The following KAZN variants were observed in gnomAD, a reference collection of about 807,000 sequenced individuals.
KAZN encodes the protein kazrin.
Under a neutral mutation model 87.4 loss-of-function variants are expected in KAZN, and 40 were observed. The ratio of observed to expected loss-of-function variants is 0.46; its 90% CI spans 0.36 to 0.60. The LOEUF (loss-of-function observed/expected upper bound fraction) is 0.60, where lower values mean the gene tolerates loss of function less well. KAZN is among the 20% of genes least tolerant of loss of function. KAZN has a pLI of 0.00. For missense variants in KAZN, 898 were observed against 1,073.9 expected (o/e 0.84, Z 2.29); for synonymous variants, 466 against 458.3 (o/e 1.02, Z -0.22).
intron 2 of KAZN, among the ~76,000 whole-genome samples, chr1:14,439,289 G>A (rs1200991252): frequency 6.6e-6 from 1 of 151,974 alleles, no homozygotes; most frequent in Non-Finnish European, 1.5e-5. Context: ...AAGTTCTGTT[G>A]GCTCTGCATT....
At chr1:14,622,877 T>A (rs570571232) in intron 1 of KAZN, among the ~76,000 whole-genome samples, 1 of 152,254 alleles carries the variant, frequency 6.6e-6, no homozygotes, top group South Asian at 2.1e-4. Flanking sequence ...TAAATACCTG[T>A]ATGACCTTAG....
intron 1 of KAZN, among the ~76,000 whole-genome samples, chr1:13,997,282 A>G (rs1302142196): frequency 2.0e-5 from 3 of 152,198 alleles, no homozygotes; most frequent in African/African-American, 7.2e-5. Flanking sequence ...CAATGAAAAA[A>G]TGCTGAAAAC....
At chr1:14,480,305 CAACA>C (rs1262847431) in intron 2 of KAZN, among the ~76,000 whole-genome samples, 1 of 152,162 alleles carries the variant, frequency 6.6e-6, no homozygotes, top group Non-Finnish European at 1.5e-5. Context: ...CAGCCAACAA[CAACA>C]AACATTTACT....
At chr1:14,669,608 A>G (rs1639792861) in intron 1 of KAZN, among the ~76,000 whole-genome samples, 1 of 152,150 alleles carries the variant, frequency 6.6e-6, no homozygotes, top group South Asian at 2.1e-4. Context: ...TTAGCCAGGT[A>G]CAGTGGTGTG....
chr1:14,798,380 G>A (rs894594947), intron 1 of KAZN, among the ~76,000 whole-genome samples: 3 of 150,946 alleles, frequency 2.0e-5, no homozygotes, highest in South Asian at 4.2e-4. Context: ...AATAGCCCTC[G>A]GAGGTGATCT....
chr1:14,192,826 A>G (rs1398010626), intron 2 of KAZN, among the ~76,000 whole-genome samples: 2 of 152,202 alleles, frequency 1.3e-5, no homozygotes, highest in South Asian at 2.1e-4. Context: ...AAGAATAGCT[A>G]TGTTGAAGTC....
At chr1:14,442,325 A>T (rs988923707) in intron 2 of KAZN, among the ~76,000 whole-genome samples, 2 of 152,250 alleles carry the variant, frequency 1.3e-5, no homozygotes, top group Admixed American at 1.3e-4. Flanking sequence ...TTGGACACAA[A>T]TCACTACCCA....
chr1:13,946,458 CAA>C (rs1641150050), intron 1 of KAZN, among the ~76,000 whole-genome samples: 1 of 152,138 alleles, frequency 6.6e-6, no homozygotes, highest in Non-Finnish European at 1.5e-5. Flanking sequence ...TAAGAAGAAT[CAA>C]GAGCACAGAA....
rs572706603 is a variant in KAZN, at chr1:14,461,776, T to C, written c.250-137207T>C. On this transcript the variant is annotated intron_variant, in intron 2 of 16. Coordinates refer to the KAZN transcript ENST00000636203. Reference sequence around the variant, plus strand: ...TGCCCTAGAAGTCACCATCCAGGTATATCCAAAATTGTGTATACCCTGCAT... The same window carrying C: ...TGCCCTAGAAGTCACCATCCAGGTACATCCAAAATTGTGTATACCCTGCAT... Among the ~76,000 whole-genome samples, 8 of 152,198 alleles carry C rather than the reference T, an allele frequency of 5.3e-5. No homozygotes were observed. The South Asian group carries it at 1.7e-3, about 32-fold the overall frequency.
rs144410589 is a variant in KAZN, at chr1:14,347,844, C to T, written c.249+167252C>T. ...TTATCTGTGTCTCCTGAAGTTTCTACAATGGGCATATACTACTATTTTTTT... is the reference window on the plus strand; with the variant it reads ...TTATCTGTGTCTCCTGAAGTTTCTATAATGGGCATATACTACTATTTTTTT... On this transcript the variant is annotated intron_variant, in intron 2 of 16. Coordinates refer to the KAZN transcript ENST00000636203. Among the ~76,000 whole-genome samples the T allele has an allele frequency of 1.2e-3, 185 of 151,898 alleles. 1 individual carries two copies. Among genetic ancestry groups the T allele is most frequent in the African/African-American group, 4.3e-3 (178 of 41,500 alleles).
rs1640691976 is a variant in KAZN at position 15,094,126 on chromosome 1, C to G, written c.1223-54C>G. 6.5e-7 allele frequency: 1 copy of G among 1,544,792 alleles called. No individual in the cohort carries two copies. Among genetic ancestry groups the G allele is most frequent in the Non-Finnish European group, 8.8e-7 (1 of 1,130,308 alleles). On this transcript the variant is annotated intron_variant, in intron 8 of 14. Transcript: ENST00000376030. This position sits in a 1 kb window ranked among gnomAD's most constrained non-coding sequence, Gnocchi z 4.5. ...CCTCCCGGGGGTATGGCCTGCCCAG[C>G]CCCTGCCCCCAGCAGCCTCGTCCCC...
chr1:15,028,479 T>C (rs1045103612), intron 2 of KAZN, among the ~76,000 whole-genome samples: 2 of 152,212 alleles, frequency 1.3e-5, no homozygotes, highest in African/African-American at 4.8e-5. Context: ...GAACAGGTTT[T>C]GAAGGAGAGA....
At chr1:14,400,859 GT>G (rs987063571) in intron 2 of KAZN, among the ~76,000 whole-genome samples, 2 of 152,180 alleles carry the variant, frequency 1.3e-5, no homozygotes, top group African/African-American at 4.8e-5. Context: ...AATAAAAGTA[GT>G]TTTTTCATGA....
chr1:14,281,919 A>G (rs1232379292), intron 2 of KAZN, among the ~76,000 whole-genome samples: 1 of 152,118 alleles, frequency 6.6e-6, no homozygotes, highest in African/African-American at 2.4e-5. Context: ...ACTTTTGGGT[A>G]AAGTCCTGGG....
chr1:14,495,696 G>A (rs187988677), intron 2 of KAZN, among the ~76,000 whole-genome samples: 11 of 152,210 alleles, frequency 7.2e-5, no homozygotes, highest in Admixed American at 6.5e-4. Context: ...AAGTAGCCTC[G>A]GGAAATCAGG....
At chr1:14,040,518 T>G (rs1641781630) in intron 1 of KAZN, among the ~76,000 whole-genome samples, 1 of 152,124 alleles carries the variant, frequency 6.6e-6, no homozygotes, top group African/African-American at 2.4e-5. Flanking sequence ...TTCCAGCACT[T>G]TGGGAGGCCA....
chr1:14,022,485 C>CAAAAAAAAAAAAAAAAAAAAAAA (rs58713618), intron 1 of KAZN, among the ~76,000 whole-genome samples: 3 of 110,476 alleles, frequency 2.7e-5, no homozygotes, highest in Non-Finnish European at 5.3e-5. Flanking sequence ...GTATTTAAAG[C>CAAAAAAAAAAAAAAAAAAAAAAA]AAAAAAAAAA....
chr1:15,027,692 C>T (rs1671313223), intron 2 of KAZN, among the ~76,000 whole-genome samples: 1 of 152,350 alleles, frequency 6.6e-6, no homozygotes, highest in Non-Finnish European at 1.5e-5. Context: ...CTGCTGGCAG[C>T]AGCTGGGATC....
intron 2 of KAZN, among the ~76,000 whole-genome samples, chr1:14,576,964 G>A (rs1343363318): frequency 1.3e-5 from 2 of 152,142 alleles, no homozygotes; most frequent in East Asian, 1.9e-4. Context: ...TTAATTAAAT[G>A]CATTTTGACT....
Sources: gnomAD v4.1 joint callset for allele counts (sites outside exome capture counted in the v4.1 genomes callset) on GRCh38, gnomAD v4.1.1 for gene constraint, Gnocchi (gnomAD v3.1) non-coding constraint, MANE v1.5 for transcripts, NCBI Gene and HGNC (gene_info 2026-07-23, HGNC 2026-07-21) for gene names.